The following AKAP13 variants were observed in gnomAD, a reference collection of about 807,000 sequenced individuals.
The protein encoded by AKAP13 is A-kinase anchoring protein 13, also known as A-kinase anchor protein 13.
A neutral mutation model predicts 264.5 loss-of-function variants in AKAP13; 80 were observed. That is an observed-to-expected ratio of 0.30 (90% CI 0.25 to 0.36). AKAP13 has a LOEUF of 0.36. Ranked by LOEUF, AKAP13 falls within the 10% of genes least tolerant of loss-of-function variation. The probability of loss-of-function intolerance (pLI) is 1.00; values close to 1 mark genes in which losing one functional copy is unlikely to be tolerated. For synonymous variants in AKAP13, 1,380 were observed against 1,250.2 expected (o/e 1.10, Z -2.19); for missense variants, 3,712 against 3,435.2 (o/e 1.08, Z -2.01).
At position 85,581,555 on chromosome 15, in the gene AKAP13, GA is replaced by G; in HGVS notation, c.3488del (p.Glu1163GlyfsTer17). 1 of 1,614,186 alleles carries G rather than the reference GA, an allele frequency of 6.2e-7. No homozygotes were observed. Among genetic ancestry groups the G allele is most frequent in the Non-Finnish European group, 8.5e-7 (1 of 1,180,030 alleles). Reference sequence around the variant, plus strand: ...TCTTGATTGGGAGAAAGGGAAGCTGGAGGGAGCAGACCACAGCTGTACCATG... The same window carrying G: ...TCTTGATTGGGAGAAAGGGAAGCTGGGGGAGCAGACCACAGCTGTACCATG... ...IPLDWEKGKL[E>X]GADHSCTMGD... On this transcript the variant is annotated frameshift_variant, in exon 7 of 37. Transcript: ENST00000394518. LOFTEE classifies it high-confidence loss of function.
At chr15:85,616,828 G>C (rs1488370515) in intron 8 of AKAP13, among the ~76,000 whole-genome samples, 1 of 152,196 alleles carries the variant, frequency 6.6e-6, no homozygotes, top group Admixed American at 6.5e-5. Context: ...GTTGGGGAGT[G>C]CTGAGCAGAT....
chr15:85,641,949 T>G (rs2082327801), intron 9 of AKAP13, among the ~76,000 whole-genome samples: 1 of 152,230 alleles, frequency 6.6e-6, no homozygotes, highest in Admixed American at 6.5e-5. Context: ...TATGTTGTTT[T>G]AAACCTAAAT....
At chr15:85,545,151 A>G (rs943820842) in intron 5 of AKAP13, among the ~76,000 whole-genome samples, 1 of 152,192 alleles carries the variant, frequency 6.6e-6, no homozygotes, top group African/African-American at 2.4e-5. Context: ...CTAAGACAGT[A>G]TTCCAGGGAG....
chr15:85,684,932 C>T (rs1220152985), intron 16 of AKAP13, 59 bp downstream of exon 16: 12 of 1,545,312 alleles, frequency 7.8e-6, no homozygotes, highest in Non-Finnish European at 1.1e-5. Context: ...TCACAGCCTG[C>T]ATTCACACCA....
At chr15:85,544,643 T>G (rs1227550714) in intron 5 of AKAP13, among the ~76,000 whole-genome samples, 1 of 152,196 alleles carries the variant, frequency 6.6e-6, no homozygotes, top group East Asian at 1.9e-4. Context: ...CTTGTATAAA[T>G]AAAGAAATAA....
intron 8 of AKAP13, among the ~76,000 whole-genome samples, chr15:85,628,603 A>T (rs943992645): frequency 5.3e-5 from 8 of 152,150 alleles, no homozygotes; most frequent in Non-Finnish European, 1.0e-4. Flanking sequence ...CATCATTGTT[A>T]ATTAACTGCT....
At chr15:85,484,838 A>G (rs188755391) in intron 1 of AKAP13, among the ~76,000 whole-genome samples, 2 of 152,326 alleles carry the variant, frequency 1.3e-5, no homozygotes, top group East Asian at 3.9e-4. Flanking sequence ...TTTTGCATGT[A>G]TGAATGACAC....
At chr15:85,541,288 A>C (rs767681158) in intron 4 of AKAP13, among the ~76,000 whole-genome samples, 1 of 152,366 alleles carries the variant, frequency 6.6e-6, no homozygotes, top group African/African-American at 2.4e-5. Flanking sequence ...TTTGAAATGC[A>C]TAAAAATAAG....
intron 5 of AKAP13, among the ~76,000 whole-genome samples, chr15:85,552,331 C>T (rs913335799): frequency 6.6e-6 from 1 of 152,088 alleles, no homozygotes; most frequent in African/African-American, 2.4e-5. Context: ...GGAAGTTTTT[C>T]AGTAACATGT....
At chr15:85,418,845 C>G (rs1338071097) in intron 1 of AKAP13, among the ~76,000 whole-genome samples, 1 of 152,178 alleles carries the variant, frequency 6.6e-6, no homozygotes, top group Non-Finnish European at 1.5e-5. Context: ...ATAAAGACCA[C>G]AAGTGGCTAA....
At chr15:85,425,128 G>A (rs557960006) in intron 1 of AKAP13, among the ~76,000 whole-genome samples, 4 of 152,300 alleles carry the variant, frequency 2.6e-5, no homozygotes, top group South Asian at 2.1e-4. Flanking sequence ...AGCCACATGT[G>A]TTTTGGAAAA....
chr15:85,382,404 A>C (rs79223572), intron 1 of AKAP13, among the ~76,000 whole-genome samples: 1 of 152,084 alleles, frequency 6.6e-6, no homozygotes, highest in Non-Finnish European at 1.5e-5. Context: ...AGGTACAGCC[A>C]TTGCACTTTT....
rs773396099 is a variant in AKAP13 at position 85,629,764 on chromosome 15, C to CTTTTTTTTT, written c.4162-9585_4162-9577dup. On this transcript the variant is annotated intron_variant, in intron 8 of 36. Transcript: ENST00000394518. ...GAAATATAATGAGTTCCTTTACAGC[C>CTTTTTTTTT]TTTTTTTTTTTTTTTTTTTTTTTTT... Among the ~76,000 whole-genome samples, 86 of 50,534 alleles carry CTTTTTTTTT rather than the reference C, an allele frequency of 1.7e-3. 11 individuals are homozygous for CTTTTTTTTT. Among genetic ancestry groups the CTTTTTTTTT allele is most frequent in the Non-Finnish European group, 2.0e-3 (55 of 26,956 alleles). 33.2% of individuals were successfully genotyped at this position (50,534 alleles called of 152,430 possible). A position where few individuals can be genotyped will look rare whatever the true frequency, so the allele number is the denominator to read the frequency against.
At chr15:85,710,217 G>A (rs1271288574) in intron 18 of AKAP13, among the ~76,000 whole-genome samples, 3 of 152,182 alleles carry the variant, frequency 2.0e-5, no homozygotes, top group African/African-American at 4.8e-5. Context: ...ATCTACTGGG[G>A]AAGACGGACA....
At chr15:85,540,294 AG>A (rs2077540666) in intron 4 of AKAP13, among the ~76,000 whole-genome samples, 1 of 152,180 alleles carries the variant, frequency 6.6e-6, no homozygotes, top group Admixed American at 6.5e-5. Context: ...GGGAAATCTA[AG>A]ACCTGCTTTC....
Position 85,579,228 on chromosome 15 carries a change from C to T in AKAP13, c.1160C>T (p.Pro387Leu), listed in dbSNP as rs762292415. 8 of 1,614,090 alleles carry T rather than the reference C, an allele frequency of 5.0e-6. No homozygotes were observed. Among genetic ancestry groups the T allele is most frequent in the African/African-American group, 4.0e-5 (3 of 74,936 alleles). Reference protein sequence around the residue: ...ERKGEEVEPAPIVDSGTVSDQ... With the variant: ...ERKGEEVEPALIVDSGTVSDQ... ...AAAGGGGAAGAGGTGGAGCCAGCAC[C>T]TATTGTGGACTCTGGAACTGTATCT... The change falls in exon 7 of 37, where the codon CCT (proline) becomes CTT (leucine). Residue 387 changes from proline (P) to leucine (L), a missense_variant. Physicochemically the swap from Pro to Leu is moderately conservative, Grantham distance 98. Coordinates refer to ENST00000394518, the MANE Select transcript of AKAP13 (RefSeq NM_007200.5).
At chr15:85,413,424 A>G (rs990635072) in intron 1 of AKAP13, among the ~76,000 whole-genome samples, 1 of 152,166 alleles carries the variant, frequency 6.6e-6, no homozygotes, top group Non-Finnish European at 1.5e-5. Flanking sequence ...CTTTCATTTC[A>G]TTCAGGGGTA....
In AKAP13 at chr15:85,721,980, T is replaced by C. The variant is rs781451695; in HGVS notation, c.6253-11T>C. The C allele has an allele frequency of 3.7e-6, 6 of 1,613,684 alleles. No homozygotes were observed. The highest frequency in any genetic ancestry group is 2.2e-5 in the East Asian group (1 of 44,886). On this transcript the variant is annotated splice_polypyrimidine_tract_variant and intron_variant, in intron 23 of 36. Transcript: ENST00000394518. ...CCCCATGGCATAACTTCTGTTCTCT[T>C]TTCTCTGCAGTTTTCAGGTGAGAAT...
intron 5 of AKAP13, among the ~76,000 whole-genome samples, chr15:85,564,283 C>G (rs868225471): frequency 2.6e-5 from 4 of 152,122 alleles, no homozygotes; most frequent in Non-Finnish European, 4.4e-5. Context: ...GCAATGAACT[C>G]CTATATATCC....
Sources: gnomAD v4.1 joint callset for allele counts (sites outside exome capture counted in the v4.1 genomes callset) on GRCh38, gnomAD v4.1.1 for gene constraint, MANE v1.5 for transcripts, NCBI Gene and HGNC (gene_info 2026-07-23, HGNC 2026-07-21) for gene names.